Variants in BABAM2 observed in about 807,000 individuals in gnomAD.
BABAM2 encodes BRISC and BRCA1-A complex member 2.
A neutral mutation model predicts 54.7 loss-of-function variants in BABAM2; 31 were observed. The ratio of observed to expected loss-of-function variants is 0.57; its 90% confidence interval spans 0.43 to 0.77. The LOEUF (loss-of-function observed/expected upper bound fraction) is 0.77, where lower values mean the gene tolerates loss of function less well. Ranked by LOEUF, BABAM2 falls within the 30% of genes least tolerant of loss-of-function variation. The pLI, the probability that BABAM2 is intolerant of heterozygous loss-of-function variation, is 0.00. For synonymous variants in BABAM2, 167 were observed against 162.9 expected (o/e 1.03, Z -0.19); for missense variants, 364 against 455.8 (o/e 0.80, Z 1.83).
chr2:28,222,072 C>T lies in BABAM2; in HGVS notation c.681-15130C>T, dbSNP rs369634269. ...TGCTGATGTGAGCCTGGGGCCCCAT[C>T]GAATGGCCGGAAGCTCTGTGGTGGA... is the stretch of plus-strand genomic sequence containing the variant. On this transcript the variant is annotated intron_variant, in intron 7 of 11. Transcript: ENST00000379624. Among the ~76,000 whole-genome samples the T allele has an allele frequency of 4.6e-5, 7 of 152,284 alleles. No individual in the cohort carries two copies. The East Asian group carries it at 1.4e-3, about 29-fold the overall frequency.
intron 10 of BABAM2, among the ~76,000 whole-genome samples, chr2:28,267,549 A>G (rs1242332165): frequency 6.6e-6 from 1 of 152,238 alleles, no homozygotes; most frequent in Non-Finnish European, 1.5e-5. Context: ...TGGCTAACAC[A>G]GTAACGTTTT....
At chr2:27,900,063 G>C (rs1397013955) in intron 2 of BABAM2, among the ~76,000 whole-genome samples, 1 of 152,210 alleles carries the variant, frequency 6.6e-6, no homozygotes, top group Non-Finnish European at 1.5e-5. Context: ...AACAATGACA[G>C]AGTTAGGGAA....
At chr2:28,276,574 C>T (rs1216756740) in intron 10 of BABAM2, among the ~76,000 whole-genome samples, 1 of 152,198 alleles carries the variant, frequency 6.6e-6, no homozygotes, top group Non-Finnish European at 1.5e-5. Flanking sequence ...GTACACATCA[C>T]AGTGCCCACC....
chr2:28,024,131 A>G (rs1675468585), intron 4 of BABAM2, among the ~76,000 whole-genome samples: 1 of 152,140 alleles, frequency 6.6e-6, no homozygotes, highest in South Asian at 2.1e-4. Flanking sequence ...TTGGCCGGGC[A>G]CGGTGGCTCA....
chr2:28,320,776 C>T (rs1051830862), intron 11 of BABAM2, among the ~76,000 whole-genome samples: 1 of 152,206 alleles, frequency 6.6e-6, no homozygotes, highest in African/African-American at 2.4e-5. Flanking sequence ...CATCAGGACA[C>T]GGGCTTGCAG....
chr2:27,893,884 C>G (rs1433106853), intron 1 of BABAM2, among the ~76,000 whole-genome samples: 2 of 151,276 alleles, frequency 1.3e-5, no homozygotes, highest in Non-Finnish European at 1.5e-5. Flanking sequence ...GTCCCAGCTA[C>G]TCGGAAGGCT....
chr2:28,286,755 A>G (rs1686852539), intron 10 of BABAM2, among the ~76,000 whole-genome samples: 1 of 152,022 alleles, frequency 6.6e-6, no homozygotes, highest in Non-Finnish European at 1.5e-5. Context: ...CTCTGTTATA[A>G]CCTTCGTCCT....
chr2:28,025,447 A>G, intron 5 of BABAM2, 27 bp downstream of exon 5: 1 of 1,533,850 alleles, frequency 6.5e-7, no homozygotes, highest in African/African-American at 1.4e-5. Context: ...ATGGAAAAAA[A>G]GATGACTTCA....
chr2:28,157,196 AT>A (rs1445928655), intron 7 of BABAM2, among the ~76,000 whole-genome samples: 8 of 152,228 alleles, frequency 5.3e-5, no homozygotes, highest in South Asian at 2.1e-4. Flanking sequence ...AAGTATCATT[AT>A]CTTCAACAAA....
intron 6 of BABAM2, among the ~76,000 whole-genome samples, chr2:28,081,259 T>G (rs2148673460): frequency 6.6e-6 from 1 of 152,320 alleles, no homozygotes; most frequent in East Asian, 1.9e-4. Context: ...TGCATGTGCT[T>G]CTTCTCACAG....
Position 28,286,820 on chromosome 2 carries a change from G to T in BABAM2, c.935-11518G>T, listed in dbSNP as rs572445687. On this transcript the variant is annotated intron_variant, in intron 10 of 11. Transcript: ENST00000379624. ...GGGCATGCTGACACTGTGGGGAGGAGTTGGCCTTACTCAGCTGGGTTTCCC... is the reference window on the plus strand; with the variant it reads ...GGGCATGCTGACACTGTGGGGAGGATTTGGCCTTACTCAGCTGGGTTTCCC... Among the ~76,000 whole-genome samples, 173 of 152,278 alleles carry T rather than the reference G, an allele frequency of 1.1e-3. 2 individuals carry two copies. Among genetic ancestry groups the T allele is most frequent in the Admixed American group, 1.7e-3 (26 of 15,302 alleles).
At chr2:27,998,275 C>A (rs2148507361) in intron 4 of BABAM2, among the ~76,000 whole-genome samples, 1 of 152,074 alleles carries the variant, frequency 6.6e-6, no homozygotes, top group Admixed American at 6.6e-5. Flanking sequence ...CTCCATCACT[C>A]CCTTCAAAGA....
intron 4 of BABAM2, among the ~76,000 whole-genome samples, chr2:28,015,017 A>G (rs886130096): frequency 5.3e-5 from 8 of 152,232 alleles, no homozygotes; most frequent in Non-Finnish European, 1.2e-4. Context: ...ATTATTATTG[A>G]AGTGGAAGTA....
intron 6 of BABAM2, among the ~76,000 whole-genome samples, chr2:28,119,109 T>C (rs1668845644): frequency 6.6e-6 from 1 of 152,238 alleles, no homozygotes; most frequent in African/African-American, 2.4e-5. Flanking sequence ...AGTACTATGC[T>C]GTTTTGGTTA....
chr2:28,337,167 G>A (rs567360493), intron 11 of BABAM2, among the ~76,000 whole-genome samples: 35 of 152,256 alleles, frequency 2.3e-4, no homozygotes, highest in African/African-American at 7.7e-4. Context: ...TGTGGGTGTC[G>A]GTGGGGCAGG....
chr2:28,213,688 G>A (rs975310948), intron 7 of BABAM2, among the ~76,000 whole-genome samples: 1 of 151,984 alleles, frequency 6.6e-6, no homozygotes, highest in Non-Finnish European at 1.5e-5. Context: ...AATAGTAATA[G>A]ATATGGAACA....
chr2:27,899,666 C>T (rs924181541), intron 2 of BABAM2, among the ~76,000 whole-genome samples: 1 of 152,030 alleles, frequency 6.6e-6, no homozygotes, highest in Non-Finnish European at 1.5e-5. Context: ...GGGGTTTCAT[C>T]ATCTTGGCTA....
chr2:28,092,749 C>CCTCTCT (rs70953901), intron 6 of BABAM2, among the ~76,000 whole-genome samples: 141 of 146,896 alleles, frequency 9.6e-4, no homozygotes, highest in African/African-American at 2.4e-3. Context: ...TTCGTCTCTG[C>CCTCTCT]CTCTCTCTCT....
At chr2:27,908,617 C>T (rs914421509) in intron 2 of BABAM2, among the ~76,000 whole-genome samples, 2 of 152,164 alleles carry the variant, frequency 1.3e-5, no homozygotes, top group Non-Finnish European at 2.9e-5. Flanking sequence ...TTCCTCCCCT[C>T]TCTTGGAGTC....
Sources: allele counts gnomAD v4.1 joint callset (sites outside exome capture counted in the v4.1 genomes callset), GRCh38; gene constraint gnomAD v4.1.1; transcripts MANE v1.5; gene names NCBI Gene and HGNC (gene_info 2026-07-23, HGNC 2026-07-21).